The following SLC35E2B variants were observed in gnomAD, a reference collection of about 807,000 sequenced individuals.
SLC35E2B encodes solute carrier family 35 member E2B.
A neutral mutation model predicts 32.4 loss-of-function variants in SLC35E2B; 18 were observed. The observed-to-expected ratio is 0.56, with a 90% CI of 0.38 to 0.82. The LOEUF (loss-of-function observed/expected upper bound fraction) is 0.82, where lower values mean the gene tolerates loss of function less well. Among genes scored for constraint, SLC35E2B ranks in the 40% least tolerant of loss-of-function variants. The pLI is 0.00. For missense variants in SLC35E2B, 263 were observed against 469.5 expected (o/e 0.56, Z 4.06); for synonymous variants, 132 against 209.1 (o/e 0.63, Z 3.18).
chr1:1,671,725 G>A (rs906360917), intron 5 of SLC35E2B, 96 bp from the exon 6 acceptor site: 2 of 1,210,038 alleles, frequency 1.7e-6, no homozygotes, highest in Non-Finnish European at 1.1e-6. Flanking sequence ...TGAAAGGAAC[G>A]GATGCTTCCT....
At chr1:1,677,644 A>AT (rs779403371) in intron 2 of SLC35E2B, among the ~76,000 whole-genome samples, 5 of 150,696 alleles carry the variant, frequency 3.3e-5, no homozygotes, top group Non-Finnish European at 5.9e-5. Context: ...CGTCCGGCTA[A>AT]TTTTTTGTAA....
At position 1,663,669 on chromosome 1, in the gene SLC35E2B, T is replaced by A; in HGVS notation, c.*2113A>T. On this transcript the variant is annotated 3_prime_UTR_variant, in exon 10 of 10. Coordinates refer to ENST00000617444, the MANE Select transcript of SLC35E2B (RefSeq NM_001290264.2). ...TATTTTTGGTAGAGACAGGGTTTCA[T>A]CATGTTGGCCAGGCTGGTCTCGAAC... The A allele has an allele frequency of 4.1e-6, 1 of 244,966 alleles. No homozygotes were observed. The allele number at this position is 244,966 out of a possible 1,614,324, so 15.2% of individuals were successfully genotyped here. A position where few individuals can be genotyped will look rare whatever the true frequency, so the allele number is the denominator to read the frequency against.
chr1:1,680,320 A>T (rs747654633), intron 2 of SLC35E2B, among the ~76,000 whole-genome samples: 13 of 151,996 alleles, frequency 8.6e-5, no homozygotes, highest in African/African-American at 1.9e-4. Flanking sequence ...AAAAAAAGTT[A>T]AAAAAAATTA....
rs995352286 is a variant in SLC35E2B at position 1,680,914 on chromosome 1, T to C, written c.-147-4068A>G. ...ACCTCCCAGGTTCAAGGGATTCTCCTGCCTCAGCCTCCCGAGTAACTGGGA... is the reference window on the plus strand; with the variant it reads ...ACCTCCCAGGTTCAAGGGATTCTCCCGCCTCAGCCTCCCGAGTAACTGGGA... On this transcript the variant is annotated intron_variant, in intron 2 of 9. Transcript: ENST00000617444. Among the ~76,000 whole-genome samples, 6 of 152,092 alleles carry C rather than the reference T, an allele frequency of 3.9e-5. 1 individual carries two copies.
intron 2 of SLC35E2B, among the ~76,000 whole-genome samples, chr1:1,689,029 G>A (rs1276965349): frequency 6.6e-6 from 1 of 151,926 alleles, no homozygotes; most frequent in East Asian, 1.9e-4. Context: ...AAACTTAGCT[G>A]GACGTGGTGG....
chr1:1,668,063 G>C (rs1188818085), intron 9 of SLC35E2B, among the ~76,000 whole-genome samples: 1 of 151,994 alleles, frequency 6.6e-6, no homozygotes, highest in African/African-American at 2.4e-5. Flanking sequence ...ATGTTAGCCA[G>C]GCTGGTCTTG....
chr1:1,684,359 T>C (rs1334304946), intron 2 of SLC35E2B, among the ~76,000 whole-genome samples: 1 of 152,160 alleles, frequency 6.6e-6, no homozygotes, highest in African/African-American at 2.4e-5. Flanking sequence ...CAGGGCAGCG[T>C]TTCTGCTGAA....
intron 2 of SLC35E2B, among the ~76,000 whole-genome samples, chr1:1,689,104 G>A (rs746890299): frequency 8.6e-5 from 13 of 151,954 alleles, no homozygotes; most frequent in African/African-American, 1.5e-4. Context: ...CCTGGGAGAC[G>A]GAGGCTTTAG....
intron 2 of SLC35E2B, among the ~76,000 whole-genome samples, chr1:1,679,171 C>T (rs1340522836): frequency 2.0e-5 from 3 of 152,206 alleles, no homozygotes; most frequent in Non-Finnish European, 4.4e-5. Flanking sequence ...GGCAAGGAGG[C>T]CACGCTCAAG....
At chr1:1,690,365 A>G (rs1247107914) in intron 2 of SLC35E2B, among the ~76,000 whole-genome samples, 6 of 150,566 alleles carry the variant, frequency 4.0e-5, no homozygotes, top group Non-Finnish European at 1.5e-5. Flanking sequence ...CCTGGGAAAA[A>G]ATACTTGCAA....
rs1036167150 is a variant in SLC35E2B at position 1,669,945 on chromosome 1, C to T, written c.761+153G>A. 54 of 849,044 alleles carry T rather than the reference C, an allele frequency of 6.4e-5. 1 individual carries two copies. The highest frequency in any genetic ancestry group is 3.2e-4 in the African/African-American group (19 of 59,034). 52.6% of individuals were successfully genotyped at this position (849,044 alleles called of 1,614,324 possible). A position where few individuals can be genotyped will look rare whatever the true frequency, so the allele number is the denominator to read the frequency against. On this transcript the variant is annotated intron_variant, in intron 7 of 9. Coordinates refer to ENST00000617444, the MANE Select transcript of SLC35E2B (RefSeq NM_001290264.2). ...CTCAAGGGAGTAGCTGAGAAACGGGCGGGTCCCTCCCGAGCTTAGACAGGG... is the reference window on the plus strand; with the variant it reads ...CTCAAGGGAGTAGCTGAGAAACGGGTGGGTCCCTCCCGAGCTTAGACAGGG...
At chr1:1,669,309 A>AG (rs1643624111) in intron 8 of SLC35E2B, among the ~76,000 whole-genome samples, 1 of 152,032 alleles carries the variant, frequency 6.6e-6, no homozygotes, top group African/African-American at 2.4e-5. Context: ...CAGTGAGCAG[A>AG]GATCACACCA....
chr1:1,684,556 C>T (rs937396805), intron 2 of SLC35E2B, among the ~76,000 whole-genome samples: 1 of 152,064 alleles, frequency 6.6e-6, no homozygotes, highest in Non-Finnish European at 1.5e-5. Context: ...CTGTGGGAGG[C>T]CGAGGCGGGT....
rs1302259730 is a variant in SLC35E2B, at chr1:1,662,885, G to A, written c.*2897C>T. 4 of 803,250 alleles carry A rather than the reference G, an allele frequency of 5.0e-6. 1 individual carries two copies. The African/African-American group carries it at 7.1e-5, about 14-fold the overall frequency. 49.8% of individuals were successfully genotyped at this position (803,250 alleles called of 1,614,324 possible). On this transcript the variant is annotated 3_prime_UTR_variant, in exon 10 of 10. Coordinates refer to ENST00000617444, the MANE Select transcript of SLC35E2B (RefSeq NM_001290264.2). ...TGTTCCTAGAAGCTCACCTGTGACA[G>A]TTCAACAAGAACTTACTATTCCAGA...
chr1:1,681,743 T>C (rs1021158248), intron 2 of SLC35E2B, among the ~76,000 whole-genome samples: 2 of 149,636 alleles, frequency 1.3e-5, no homozygotes, highest in Non-Finnish European at 3.0e-5. Context: ...CCCAGCACTT[T>C]GGGAGGCTGA....
chr1:1,687,842 C>G, intron 2 of SLC35E2B, among the ~76,000 whole-genome samples: 1 of 151,976 alleles, frequency 6.6e-6, no homozygotes, highest in Non-Finnish European at 1.5e-5. Context: ...TGCAGGGAAC[C>G]AAGATTGCAC....
At chr1:1,667,526 G>A (rs1643578845) in intron 9 of SLC35E2B, among the ~76,000 whole-genome samples, 1 of 152,180 alleles carries the variant, frequency 6.6e-6, no homozygotes, top group African/African-American at 2.4e-5. Flanking sequence ...TTCTAGAGCT[G>A]CACCGCACGG....
Position 1,665,048 on chromosome 1 carries a change from T to C in SLC35E2B, c.*734A>G, listed in dbSNP as rs1421058444. 1 of 852,258 alleles carries C rather than the reference T, an allele frequency of 1.2e-6. No individual in the cohort carries two copies. The highest frequency in any genetic ancestry group is 1.4e-6 in the Non-Finnish European group (1 of 708,612). 52.8% of individuals were successfully genotyped at this position (852,258 alleles called of 1,614,324 possible). On this transcript the variant is annotated 3_prime_UTR_variant, in exon 10 of 10. Transcript: ENST00000617444. ...GTAGGAGGGCAGGGTGCCCTGGGGT[T>C]GCGGGGAGCTCACGCAGCCCAGGGT... is the stretch of plus-strand genomic sequence containing the variant.
At chr1:1,686,224 G>A (rs1477445799) in intron 2 of SLC35E2B, among the ~76,000 whole-genome samples, 4 of 151,630 alleles carry the variant, frequency 2.6e-5, no homozygotes, top group South Asian at 2.1e-4. Context: ...GGCTGGTCTC[G>A]AACTCCTGAC....
Sources: gnomAD v4.1 joint callset for allele counts (sites outside exome capture counted in the v4.1 genomes callset) on GRCh38, gnomAD v4.1.1 for gene constraint, MANE v1.5 for transcripts, NCBI Gene and HGNC (gene_info 2026-07-23, HGNC 2026-07-21) for gene names.